Variants in SLC24A3 observed in about 807,000 individuals in gnomAD.
The protein encoded by SLC24A3 is solute carrier family 24 member 3.
A neutral mutation model predicts 75.8 loss-of-function variants in SLC24A3; 28 were observed. That is an observed-to-expected ratio of 0.37 (90% CI 0.27 to 0.51). The LOEUF is 0.51. SLC24A3 is among the 20% of genes least tolerant of loss of function. SLC24A3 has a pLI of 0.94. For synonymous variants in SLC24A3, 372 were observed against 334.1 expected, an observed-to-expected ratio of 1.11 and a Z score of -1.24; for missense variants, 663 against 847.8, an observed-to-expected ratio of 0.78 and a Z score of 2.71.
chr20:19,649,155 A>G (rs78118707), intron 6 of SLC24A3, among the ~76,000 whole-genome samples: 1,928 of 152,318 alleles, frequency 0.013, 30 homozygotes, highest in African/African-American at 0.044. Flanking sequence ...ACCTGCCAAC[A>G]GATGCAAAGA....
intron 7 of SLC24A3, among the ~76,000 whole-genome samples, chr20:19,657,635 T>C (rs992352202): frequency 4.6e-5 from 7 of 152,150 alleles, no homozygotes; most frequent in African/African-American, 1.7e-4. Context: ...GTGGCCAAAC[T>C]CCCAGGGTCA....
chr20:19,351,095 C>T (rs1038679955), intron 2 of SLC24A3, among the ~76,000 whole-genome samples: 2 of 152,192 alleles, frequency 1.3e-5, no homozygotes, highest in Admixed American at 6.5e-5. Context: ...ATGGTCCAGG[C>T]CCAGGGCTGG....
chr20:19,372,272 G>T lies in SLC24A3; in HGVS notation c.271+91185G>T, dbSNP rs534047237. On this transcript the variant is annotated intron_variant, in intron 2 of 16. Coordinates refer to ENST00000328041, the MANE Select transcript of SLC24A3 (RefSeq NM_020689.4). The stretch of plus-strand genomic sequence containing the variant: ...GGAATCTTCTAACTCAGGGAAAGAA[G>T]CAGAAGTTGAGGGAAGGCAGGAATG... Among the ~76,000 whole-genome samples the T allele has an allele frequency of 5.9e-4, 90 of 152,320 alleles. 1 individual carries two copies. The highest frequency in any genetic ancestry group is 2.1e-3 in the African/African-American group (87 of 41,578).
In SLC24A3 at chr20:19,400,537, G is replaced by A. The variant is rs140433040; in HGVS notation, c.272-114951G>A. 3.0e-3 allele frequency among the ~76,000 whole-genome samples: 458 copies of A among 152,250 alleles called. 3 individuals carry two copies. The highest frequency in any genetic ancestry group is 0.01 in the African/African-American group (426 of 41,540). On this transcript the variant is annotated intron_variant, in intron 2 of 16. Transcript: ENST00000328041. Reference sequence around the variant, plus strand: ...CTTCGAGTGGTTCTTTCCCAGGTAGGCTCTTCATCTGTATGTGCTGATCAG... The same window carrying A: ...CTTCGAGTGGTTCTTTCCCAGGTAGACTCTTCATCTGTATGTGCTGATCAG...
At chr20:19,393,023 T>A (rs1008254943) in intron 2 of SLC24A3, among the ~76,000 whole-genome samples, 1 of 152,168 alleles carries the variant, frequency 6.6e-6, no homozygotes, top group African/African-American at 2.4e-5. Flanking sequence ...CTGGTTATCC[T>A]CAAGCAGAGA....
chr20:19,563,817 A>C (rs1306475533), intron 3 of SLC24A3, among the ~76,000 whole-genome samples: 2 of 152,210 alleles, frequency 1.3e-5, no homozygotes, highest in East Asian at 3.8e-4. Flanking sequence ...TTTTAAAAGC[A>C]CAATGTTGGG....
Position 19,543,363 on chromosome 20 carries a change from G to C in SLC24A3, c.348+27799G>C, listed in dbSNP as rs370621335. 6.6e-5 allele frequency among the ~76,000 whole-genome samples: 10 copies of C among 152,330 alleles called. 2 individuals are homozygous for C. ...GAGAAAGTGAGCTTTGTTTTGAAAC[G>C]GCGTGTCACAGACAATGTTGGCAAA... On this transcript the variant is annotated intron_variant, in intron 3 of 16. Coordinates refer to ENST00000328041, the MANE Select transcript of SLC24A3 (RefSeq NM_020689.4).
At chr20:19,252,100 C>A (rs915376429) in intron 1 of SLC24A3, among the ~76,000 whole-genome samples, 3 of 152,098 alleles carry the variant, frequency 2.0e-5, no homozygotes, top group Admixed American at 6.6e-5. Context: ...GTGGTTGATT[C>A]CACCAAAGAC....
intron 2 of SLC24A3, among the ~76,000 whole-genome samples, chr20:19,407,420 C>T (rs1029466560): frequency 6.6e-6 from 1 of 152,200 alleles, no homozygotes; most frequent in African/African-American, 2.4e-5. Flanking sequence ...TGCTGCAGCT[C>T]CTGCTGCTTC....
In SLC24A3 at chr20:19,212,895, G is replaced by GCCGCCA; in HGVS notation, c.56_57insCCACCG (p.Arg19_Arg20insHisArg). 1.5e-6 allele frequency: 2 copies of GCCGCCA among 1,315,112 alleles called. No homozygotes were observed. The highest frequency in any genetic ancestry group is 1.9e-6 in the Non-Finnish European group (2 of 1,027,502). The allele number at this position is 1,315,112 out of a possible 1,614,324, so 81.5% of individuals were successfully genotyped here. A position where few individuals can be genotyped will look rare whatever the true frequency, so the allele number is the denominator to read the frequency against. On this transcript the variant is annotated inframe_insertion, in exon 1 of 17. Coordinates refer to ENST00000328041, the MANE Select transcript of SLC24A3 (RefSeq NM_020689.4). ...GCGCGTCGCCGCCGCCGCCGCCGCC[G>GCCGCCA]CCGGAGGGACCTTCTGCTGAGCCAG... is the stretch of plus-strand genomic sequence containing the variant.
chr20:19,403,290 T>C (rs1266713889), intron 2 of SLC24A3, among the ~76,000 whole-genome samples: 1 of 152,232 alleles, frequency 6.6e-6, no homozygotes, highest in Non-Finnish European at 1.5e-5. Context: ...CTTGTTAAAC[T>C]TGTTATTCAT....
At chr20:19,693,818 C>T (rs1242804684) in intron 13 of SLC24A3, 3 of 161,498 alleles carry the variant, frequency 1.9e-5, no homozygotes, top group South Asian at 1.9e-4. Context: ...CGTGGAAACA[C>T]GAAATGCCTC....
intron 6 of SLC24A3, among the ~76,000 whole-genome samples, chr20:19,589,491 G>A (rs915710556): frequency 4.6e-5 from 7 of 152,196 alleles, no homozygotes; most frequent in South Asian, 2.1e-4. Context: ...GACAGCAGTG[G>A]AAAGGGCCTG....
intron 8 of SLC24A3, among the ~76,000 whole-genome samples, chr20:19,668,880 C>T (rs1430968452): frequency 1.3e-5 from 2 of 152,154 alleles, no homozygotes; most frequent in Non-Finnish European, 1.5e-5. Flanking sequence ...AAGATGGCTG[C>T]TGCAGCCCCA....
chr20:19,342,819 C>G (rs1985299185), intron 2 of SLC24A3, among the ~76,000 whole-genome samples: 6 of 152,110 alleles, frequency 3.9e-5, no homozygotes. Flanking sequence ...GCCTGTAATC[C>G]TAGCACTTTG....
chr20:19,412,007 G>A (rs1404271825), intron 2 of SLC24A3, among the ~76,000 whole-genome samples: 1 of 152,162 alleles, frequency 6.6e-6, no homozygotes, highest in Non-Finnish European at 1.5e-5. Flanking sequence ...TTAACTGTGA[G>A]TACACGGGGT....
intron 1 of SLC24A3, among the ~76,000 whole-genome samples, chr20:19,239,578 C>A (rs1017971632): frequency 5.3e-5 from 8 of 152,174 alleles, no homozygotes; most frequent in Non-Finnish European, 1.2e-4. Context: ...GGTGGCTGAC[C>A]CTTTCTTCCT....
At chr20:19,562,838 GA>G (rs58786513) in intron 3 of SLC24A3, among the ~76,000 whole-genome samples, 14,386 of 152,092 alleles carry the variant, frequency 0.095, 810 homozygotes, top group African/African-American at 0.15. Context: ...CCGCTAATGA[GA>G]AATCATATTC....
intron 2 of SLC24A3, among the ~76,000 whole-genome samples, chr20:19,420,725 C>T (rs1225498594): frequency 1.6e-4 from 14 of 87,218 alleles, no homozygotes; most frequent in African/African-American, 7.2e-4. Flanking sequence ...AAAAAGAGCC[C>T]GCATCGCCAA....
Sources: gnomAD v4.1 joint callset for allele counts (sites outside exome capture counted in the v4.1 genomes callset) on GRCh38, gnomAD v4.1.1 for gene constraint, MANE v1.5 for transcripts, NCBI Gene and HGNC (gene_info 2026-07-23, HGNC 2026-07-21) for gene names.